The following TNFAIP3 variants were observed in gnomAD, a reference collection of about 807,000 sequenced individuals.
TNFAIP3 encodes tumor necrosis factor alpha-induced protein 3.
In TNFAIP3, 9 loss-of-function variants were observed where a neutral mutation model predicts 72.4. The ratio of observed to expected loss-of-function variants is 0.12; its 90% confidence interval spans 0.07 to 0.22. The LOEUF is 0.22. Among genes scored for constraint, TNFAIP3 ranks in the 10% least tolerant of loss-of-function variants. TNFAIP3 has a pLI of 1.00. For missense variants in TNFAIP3, 833 were observed against 1,018.7 expected, an observed-to-expected ratio of 0.82 and a Z score of 2.48; for synonymous variants, 339 against 372.6, an observed-to-expected ratio of 0.91 and a Z score of 1.04.
chr6:137,874,892 G>A lies in TNFAIP3; in HGVS notation c.343G>A (p.Val115Ile), dbSNP rs150717698. The change falls in exon 3 of 9, where the codon GTT becomes ATT. Residue 115 changes from valine to isoleucine, a missense_variant. Around this residue, in one of 2 missense-constraint regions of TNFAIP3, gnomAD observed 246 missense variants for 360.9 expected, o/e 0.68. Transcript: ENST00000612899. The stretch of plus-strand genomic sequence containing the variant: ...TGCCACTTCTCAGTACATGTGGGGC[G>A]TTCAGGACACAGACTTGGTACTGAG... ...MHATSQYMWG[V>I]QDTDLVLRKA... The A allele has an allele frequency of 3.7e-5, 60 of 1,614,190 alleles. No homozygotes were observed. The highest frequency in any genetic ancestry group is 2.5e-4 in the East Asian group (11 of 44,886).
In TNFAIP3 at chr6:137,877,027, C is replaced by T. The variant is rs375420736; in HGVS notation, c.806-49C>T. On this transcript the variant is annotated intron_variant, in intron 5 of 8. Transcript: ENST00000612899. Reference sequence around the variant, plus strand: ...CAAAATGAGATCTACTTACCTATGGCCTTGTTTAGTAGAATACTGTTTTAC... The same window carrying T: ...CAAAATGAGATCTACTTACCTATGGTCTTGTTTAGTAGAATACTGTTTTAC... 3.6e-6 allele frequency: 5 copies of T among 1,379,228 alleles called. No homozygotes were observed. In the African/African-American group the frequency reaches 7.3e-5, roughly 20 times the overall value. The allele number at this position is 1,379,228 out of a possible 1,614,324, so 85.4% of individuals were successfully genotyped here.
chr6:137,869,017 A>G (rs3757173), intron 1 of TNFAIP3, among the ~76,000 whole-genome samples: 29,152 of 152,210 alleles, frequency 0.19, 5,017 homozygotes, highest in African/African-American at 0.46. Context: ...ATAACACCTC[A>G]TTTGTTTAAA....
chr6:137,875,665 T>TA, intron 3 of TNFAIP3, 23 bp from the exon 4 acceptor site: 1 of 1,613,676 alleles, frequency 6.2e-7, no homozygotes, highest in Non-Finnish European at 8.5e-7. Context: ...ATTCAAGCTT[T>TA]TTTTTCACCC....
rs1455881884 is a variant in TNFAIP3, at chr6:137,882,419, G to T, written c.*1100G>T. ...GAACATCCTTGCTTTGAGTCAGGCT[G>T]TGGGCAAGTTCCTGACCACAGGGAG... On this transcript the variant is annotated 3_prime_UTR_variant, in exon 9 of 9. Transcript: ENST00000612899. 8.6e-6 allele frequency: 2 copies of T among 232,988 alleles called. No homozygotes were observed. Among genetic ancestry groups the T allele is most frequent in the Non-Finnish European group, 1.7e-5 (2 of 117,872 alleles). The allele number at this position is 232,988 out of a possible 1,614,324, so 14.4% of individuals were successfully genotyped here.
At chr6:137,870,533 T>G (rs1776023693) in intron 1 of TNFAIP3, among the ~76,000 whole-genome samples, 1 of 152,242 alleles carries the variant, frequency 6.6e-6, no homozygotes, top group Admixed American at 6.5e-5. Flanking sequence ...ACTTTTTTAT[T>G]GATTAGAAAA....
intron 2 of TNFAIP3, among the ~76,000 whole-genome samples, chr6:137,873,831 T>G (rs956963770): frequency 2.6e-5 from 4 of 152,242 alleles, no homozygotes; most frequent in African/African-American, 9.6e-5. Context: ...TTTTGGTTTC[T>G]TTACAGTTTG....
Position 137,878,822 on chromosome 6 carries a change from G to A in TNFAIP3, c.1377G>A (p.Ser459=), listed in dbSNP as rs369402265. The A allele has an allele frequency of 1.3e-5, 21 of 1,613,950 alleles. No homozygotes were observed. The highest frequency in any genetic ancestry group is 3.3e-4 in the Middle Eastern group (2 of 6,082). ...AGGAGTCCACTGGGGGGCCTCATTC[G>A]GCCCCACCGACAGCACCCAGCCCTT... is the stretch of plus-strand genomic sequence containing the variant. ...NPEESTGGPH[S]APPTAPSPFL... is the part of the protein sequence containing the mutation. The change falls in exon 7 of 9, where the codon TCG becomes TCA. Residue 459 remains serine, a synonymous_variant. Coordinates refer to ENST00000612899, the MANE Select transcript of TNFAIP3 (RefSeq NM_001270508.2).
At position 137,881,623 on chromosome 6, in the gene TNFAIP3, G is replaced by C. The variant is rs926281184; in HGVS notation, c.*304G>C. ...ACTTCTTTGGACTTGGAAGGTGTGC[G>C]GGGACTGGCCGAGGCCCCTGCACCC... On this transcript the variant is annotated 3_prime_UTR_variant, in exon 9 of 9. Coordinates refer to ENST00000612899, the MANE Select transcript of TNFAIP3 (RefSeq NM_001270508.2). The surrounding 1 kb of genome is among the most constrained non-coding windows in gnomAD (Gnocchi z 5.0). The C allele has an allele frequency of 2.9e-6, 1 of 350,382 alleles. No homozygotes were observed. The highest frequency in any genetic ancestry group is 4.6e-5 in the Admixed American group (1 of 21,964). 21.7% of individuals were successfully genotyped at this position (350,382 alleles called of 1,614,324 possible).
chr6:137,880,589 G>A (rs994722325), intron 8 of TNFAIP3, among the ~76,000 whole-genome samples: 1 of 152,218 alleles, frequency 6.6e-6, no homozygotes, highest in Admixed American at 6.5e-5. Context: ...CATCTAAAAA[G>A]CAGCCCTTCT....
At position 137,876,161 on chromosome 6, in the gene TNFAIP3, G is replaced by A. The variant is rs1340493697; in HGVS notation, c.800G>A (p.Gly267Glu). ...FVPLVTLKDS[G>E]PEIRAVPLVN... ...CCCTTGGTGACCCTGAAGGACAGTGGGCCTGGTGAGAAAACTGCATTAATT... is the reference window on the plus strand; with the variant it reads ...CCCTTGGTGACCCTGAAGGACAGTGAGCCTGGTGAGAAAACTGCATTAATT... Residue 267 changes from glycine to glutamate, a missense_variant, in exon 5 of 9, where the codon GGG becomes GAG. Coordinates refer to ENST00000612899, the MANE Select transcript of TNFAIP3 (RefSeq NM_001270508.2). 1 of 1,609,206 alleles carries A rather than the reference G, an allele frequency of 6.2e-7. No homozygotes were observed. Among genetic ancestry groups the A allele is most frequent in the Non-Finnish European group, 8.5e-7 (1 of 1,178,514 alleles).
upstream of TNFAIP3, among the ~76,000 whole-genome samples, chr6:137,867,037 GGCGGGGCGGGGCA>G (rs1217244257): frequency 1.3e-5 from 2 of 149,900 alleles, no homozygotes; most frequent in Non-Finnish European, 3.0e-5. The surrounding 1 kb of genome is among the most constrained non-coding windows in gnomAD (Gnocchi z 6.0). Flanking sequence ...GCAGGGACCG[GGCGGGGCGGGGCA>G]GCGGGGCGGG....
At chr6:137,875,066 A>G in intron 3 of TNFAIP3, 31 bp downstream of exon 3, 1 of 1,612,716 alleles carries the variant, frequency 6.2e-7, no homozygotes, top group South Asian at 1.1e-5. Flanking sequence ...ATCTACTAAC[A>G]GAGCTCCATG....
chr6:137,870,234 A>G (rs1776012467), intron 1 of TNFAIP3, among the ~76,000 whole-genome samples: 3 of 152,146 alleles, frequency 2.0e-5, no homozygotes, highest in Non-Finnish European at 2.9e-5. Flanking sequence ...TTGAGCTCCA[A>G]TATCTGTTCT....
At chr6:137,875,639 A>C in intron 3 of TNFAIP3, 49 bp from the exon 4 acceptor site, 8 of 1,597,582 alleles carry the variant, frequency 5.0e-6, no homozygotes, top group East Asian at 2.2e-5. Flanking sequence ...TTTTTAGTAC[A>C]GGGAGTACAG....
rs1457859053 is a variant in TNFAIP3 at position 137,867,306 on chromosome 6, G to C, written c.-252G>C. 6.6e-6 allele frequency: 1 copy of C among 152,030 alleles called. No homozygotes were observed. Among genetic ancestry groups the C allele is most frequent in the Non-Finnish European group, 1.5e-5 (1 of 67,876 alleles). 9.4% of individuals were successfully genotyped at this position (152,030 alleles called of 1,614,324 possible). ...GGCCAAGCGAGCTTGGAGCCCGCGG[G>C]GGCGGAGCGGTGAGAGCGGCCGCCA... On this transcript the variant is annotated 5_prime_UTR_variant, in exon 1 of 9. Coordinates refer to ENST00000612899, the MANE Select transcript of TNFAIP3 (RefSeq NM_001270508.2). The surrounding 1 kb of genome is among the most constrained non-coding windows in gnomAD (Gnocchi z 6.0).
chr6:137,871,152 A>T lies in TNFAIP3; in HGVS notation c.-15-61A>T, dbSNP rs1776044185. 1.4e-6 allele frequency: 2 copies of T among 1,478,490 alleles called. No homozygotes were observed. The highest frequency in any genetic ancestry group is 1.8e-6 in the Non-Finnish European group (2 of 1,101,030). The allele number at this position is 1,478,490 out of a possible 1,614,324, so 91.6% of individuals were successfully genotyped here. ...ACTGGGGTTTCCTGCAGGCAGCTAT[A>T]GAGGAGTCGTATTAAAGTCAGGCTA... On this transcript the variant is annotated intron_variant, in intron 1 of 8. Coordinates refer to ENST00000612899, the MANE Select transcript of TNFAIP3 (RefSeq NM_001270508.2). The surrounding 1 kb of genome is among the most constrained non-coding windows in gnomAD (Gnocchi z 4.2).
Position 137,878,862 on chromosome 6 carries a change from A to T in TNFAIP3, c.1417A>T (p.Thr473Ser), listed in dbSNP as rs1776342027. The T allele has an allele frequency of 1.9e-6, 3 of 1,613,974 alleles. No individual in the cohort carries two copies. The highest frequency in any genetic ancestry group is 1.7e-5 in the Admixed American group (1 of 59,996). ...TAPSPFLFSE[T>S]TAMKCRSPGC... ...ACCCAGCCCTTTTCTGTTCAGTGAG[A>T]CCACTGCCATGAAGTGCAGGAGCCC... is the stretch of plus-strand genomic sequence containing the variant. The change falls in exon 7 of 9, where the codon ACC becomes TCC. Residue 473 changes from threonine to serine, a missense_variant. Physicochemically the swap from Thr to Ser is moderately conservative, Grantham distance 58 (BLOSUM62 1). This residue lies in a region of TNFAIP3 where 587 missense variants were observed against 657.8 expected (regional missense o/e 0.89). Transcript: ENST00000612899.
chr6:137,878,387 T>C, intron 6 of TNFAIP3, 45 bp from the exon 7 acceptor site: 1 of 1,505,746 alleles, frequency 6.6e-7, no homozygotes, highest in East Asian at 2.3e-5. Context: ...ATCTTGTGTG[T>C]GATTTTGTGT....
intron 2 of TNFAIP3, among the ~76,000 whole-genome samples, chr6:137,873,959 A>G (rs1211530510): frequency 6.6e-6 from 1 of 152,216 alleles, no homozygotes; most frequent in Non-Finnish European, 1.5e-5. Context: ...AAAGGAGATT[A>G]AGGAGTTAAC....
Sources: allele counts gnomAD v4.1 joint callset (sites outside exome capture counted in the v4.1 genomes callset), GRCh38; gene constraint gnomAD v4.1.1; regional missense constraint gnomAD v4.1.1; non-coding constraint Gnocchi (gnomAD v3.1); transcripts MANE v1.5; gene names NCBI Gene and HGNC (gene_info 2026-07-23, HGNC 2026-07-21).